The following TG variants were observed in gnomAD, a reference collection of about 807,000 sequenced individuals.
TG encodes the protein thyroid hormones.
In TG, 270 loss-of-function variants were observed where a neutral mutation model predicts 324.7. The observed-to-expected ratio is 0.83, with a 90% CI of 0.75 to 0.92. The LOEUF (loss-of-function observed/expected upper bound fraction) is 0.92. Ranked by LOEUF, TG falls within the 40% of genes least tolerant of loss-of-function variation. TG has a pLI of 0.00. For synonymous variants in TG, 1,401 were observed against 1,327.0 expected, an observed-to-expected ratio of 1.06 and a Z score of -1.21; for missense variants, 3,591 against 3,456.4, an observed-to-expected ratio of 1.04 and a Z score of -0.98.
intron 31 of TG, among the ~76,000 whole-genome samples, chr8:132,968,856 A>G (rs1226205454): frequency 2.6e-5 from 4 of 152,156 alleles, no homozygotes; most frequent in African/African-American, 7.2e-5. Context: ...ACACCTCAAT[A>G]TTCATTATGC....
chr8:133,006,560 G>T (rs995887598), intron 35 of TG, among the ~76,000 whole-genome samples: 1 of 152,206 alleles, frequency 6.6e-6, no homozygotes, highest in Non-Finnish European at 1.5e-5. Flanking sequence ...GAGGAGGCCC[G>T]TAAATAGTTG....
intron 31 of TG, 128 bp downstream of exon 31, chr8:132,968,098 G>T (rs1000673593): frequency 3.5e-6 from 4 of 1,156,034 alleles, no homozygotes; most frequent in Non-Finnish European, 4.9e-6. Context: ...GTTTCAAGAA[G>T]ATGGGAACAT....
chr8:133,047,837 G>C, intron 41 of TG: 3 of 1,577,118 alleles, frequency 1.9e-6, no homozygotes, highest in Non-Finnish European at 2.6e-6. Context: ...CACCTTTCTT[G>C]GTCTCACTCT....
chr8:132,964,896 C>A (rs1828317593), intron 29 of TG: 1 of 702,230 alleles, frequency 1.4e-6, no homozygotes, highest in Admixed American at 2.0e-5. Flanking sequence ...GGAAAGGTTT[C>A]TCGGAGGAGG....
At chr8:132,964,424 A>G (rs1330271209) in intron 29 of TG, among the ~76,000 whole-genome samples, 2 of 152,100 alleles carry the variant, frequency 1.3e-5, no homozygotes, top group Non-Finnish European at 2.9e-5. Context: ...AATCACATTG[A>G]GTCCAGGCCG....
At chr8:132,919,578 C>G (rs1160654723) in intron 21 of TG, 53 bp downstream of exon 21, 29 of 1,606,698 alleles carry the variant, frequency 1.8e-5, no homozygotes, top group Non-Finnish European at 2.3e-5. Context: ...TGAAATGGAA[C>G]TCAACAGGGT....
chr8:132,967,235 CATCCATCCATCCATCT>C lies in TG; in HGVS notation c.5687-544_5687-529del, dbSNP rs1248124593. Among the ~76,000 whole-genome samples, 182 of 79,734 alleles carry C rather than the reference CATCCATCCATCCATCT, an allele frequency of 2.3e-3. 1 individual carries two copies. The highest frequency in any genetic ancestry group is 0.02 in the African/African-American group (181 of 8,932). 52.3% of individuals were successfully genotyped at this position (79,734 alleles called of 152,430 possible). ...CCATCCATCCATCCATCCATCCATC[CATCCATCCATCCATCT>C]ATCCATCCATCCATTTGGCAGTTAT... is the stretch of plus-strand genomic sequence containing the variant. On this transcript the variant is annotated intron_variant, in intron 30 of 47. Coordinates refer to ENST00000220616, the MANE Select transcript of TG (RefSeq NM_003235.5).
chr8:133,095,237 G>A (rs1848226995), intron 42 of TG, 29 bp downstream of exon 42: 1 of 1,614,010 alleles, frequency 6.2e-7, no homozygotes. Flanking sequence ...GTTGGGAAGG[G>A]ACATTCTCTG....
chr8:132,901,383 G>A lies in TG; in HGVS notation c.3464G>A (p.Gly1155Glu), dbSNP rs1238629080. ...AGCCTCTGCAATGTGCTCAAGAGTG[G>A]AGTCCTCTCCAGGAGAGTCAGCCCA... ...CPSLCNVLKSGVLSRRVSPGY... is the reference protein window; with the variant it reads ...CPSLCNVLKSEVLSRRVSPGY... Residue 1155 changes from glycine to glutamate, a missense_variant, in exon 16 of 48, where the codon GGA (glycine) becomes GAA (glutamate). By Grantham distance (98) the Gly-to-Glu change is moderately conservative. Coordinates refer to ENST00000220616, the MANE Select transcript of TG (RefSeq NM_003235.5). 6.2e-7 allele frequency: 1 copy of A among 1,614,186 alleles called. No individual in the cohort carries two copies. The highest frequency in any genetic ancestry group is 8.5e-7 in the Non-Finnish European group (1 of 1,180,040).
chr8:133,042,066 T>C (rs533280953), intron 41 of TG, among the ~76,000 whole-genome samples: 53 of 152,120 alleles, frequency 3.5e-4, no homozygotes, highest in African/African-American at 1.3e-3. Context: ...GGATTACAGG[T>C]GTGAGCCACC....
intron 4 of TG, among the ~76,000 whole-genome samples, chr8:132,872,651 C>T (rs1024464809): frequency 6.6e-6 from 1 of 152,114 alleles, no homozygotes; most frequent in Non-Finnish European, 1.5e-5. Flanking sequence ...TCACCCGGAG[C>T]AACTGCCAGT....
At chr8:133,049,238 G>C (rs897327890) in intron 41 of TG, 1 of 434,232 alleles carries the variant, frequency 2.3e-6, no homozygotes, top group Non-Finnish European at 4.6e-6. Flanking sequence ...AGTTTTCTAA[G>C]ATATCTCTTG....
chr8:133,043,931 C>T (rs1268634277), intron 41 of TG, among the ~76,000 whole-genome samples: 5 of 152,176 alleles, frequency 3.3e-5, no homozygotes, highest in Admixed American at 3.3e-4. Context: ...GGGAGGATGG[C>T]AATGTTCCGC....
chr8:133,042,250 T>C (rs1838396698), intron 41 of TG, among the ~76,000 whole-genome samples: 1 of 152,204 alleles, frequency 6.6e-6, no homozygotes, highest in South Asian at 2.1e-4. Context: ...TCCAGCTGTC[T>C]CTTGGGTTCA....
intron 21 of TG, among the ~76,000 whole-genome samples, chr8:132,920,683 G>A (rs1434355254): frequency 6.6e-6 from 1 of 152,200 alleles, no homozygotes; most frequent in Admixed American, 6.5e-5. Context: ...TTATGGAGGG[G>A]ATATGACAGA....
At chr8:133,018,041 TCTC>T in intron 38 of TG, 44 bp downstream of exon 38, 1 of 1,580,070 alleles carries the variant, frequency 6.3e-7, no homozygotes, top group Non-Finnish European at 8.7e-7. Context: ...CTCAGAGAAA[TCTC>T]CTCCATTCTA....
chr8:132,940,988 C>T (rs930562411), intron 25 of TG, among the ~76,000 whole-genome samples: 5 of 152,178 alleles, frequency 3.3e-5, no homozygotes, highest in African/African-American at 7.2e-5. Flanking sequence ...AATGAAACCA[C>T]GTAGGTAGAG....
intron 35 of TG, among the ~76,000 whole-genome samples, chr8:132,993,937 C>T (rs946031342): frequency 6.6e-6 from 1 of 152,226 alleles, no homozygotes; most frequent in African/African-American, 2.4e-5. Flanking sequence ...AGATATCCTT[C>T]AGCCTAGAAT....
At chr8:133,119,129 G>C (rs1455306609) in intron 45 of TG, among the ~76,000 whole-genome samples, 1 of 152,204 alleles carries the variant, frequency 6.6e-6, no homozygotes, top group South Asian at 2.1e-4. Context: ...AACTATGAGA[G>C]AAAAAAGTTT....
Sources: gnomAD v4.1 joint callset for allele counts (sites outside exome capture counted in the v4.1 genomes callset) on GRCh38, gnomAD v4.1.1 for gene constraint, MANE v1.5 for transcripts, NCBI Gene and HGNC (gene_info 2026-07-23, HGNC 2026-07-21) for gene names.